The following TLX1 variants were observed in gnomAD, a reference collection of about 807,000 sequenced individuals.
The protein encoded by TLX1 is T-cell leukemia homeobox protein 1.
TLX1 carries 6 observed loss-of-function variants against 26.5 expected under a neutral mutation model. The observed-to-expected ratio is 0.23, with a 90% CI of 0.12 to 0.45. TLX1 has a LOEUF of 0.45. Ranked by LOEUF, TLX1 falls within the 20% of genes least tolerant of loss-of-function variation. The pLI, the probability that TLX1 is intolerant of heterozygous loss-of-function variation, is 0.99. For missense variants in TLX1, 418 were observed against 482.6 expected, an observed-to-expected ratio of 0.87 and a Z score of 1.25; for synonymous variants, 217 against 219.7, an observed-to-expected ratio of 0.99 and a Z score of 0.11.
In TLX1 at chr10:101,132,252, C is replaced by T. The variant is rs555127476; in HGVS notation, c.568+143C>T. On this transcript the variant is annotated intron_variant, in intron 1 of 2. Transcript: ENST00000370196. This position sits in a 1 kb window ranked among gnomAD's most constrained non-coding sequence, Gnocchi z 4.1. ...TGCTTCCCCCAAGTTGAGCCGCCCG[C>T]CCGATTCTATAACGCAGACTCGCCA... 100 of 690,372 alleles carry T rather than the reference C, an allele frequency of 1.4e-4. No individual in the cohort carries two copies. In the African/African-American group the frequency reaches 1.7e-3, roughly 12 times the overall value. 42.8% of individuals were successfully genotyped at this position (690,372 alleles called of 1,614,324 possible). A position where few individuals can be genotyped will look rare whatever the true frequency, so the allele number is the denominator to read the frequency against.
rs746809952 is a variant in TLX1 at position 101,132,122 on chromosome 10, C to A, written c.568+13C>A. 7.4e-7 allele frequency: 1 copy of A among 1,346,528 alleles called. No homozygotes were observed. Among genetic ancestry groups the A allele is most frequent in the African/African-American group, 1.5e-5 (1 of 66,678 alleles). 83.4% of individuals were successfully genotyped at this position (1,346,528 alleles called of 1,614,324 possible). On this transcript the variant is annotated intron_variant, in intron 1 of 2. Transcript: ENST00000370196. This position sits in a 1 kb window ranked among gnomAD's most constrained non-coding sequence, Gnocchi z 4.1. Reference sequence around the variant, plus strand: ...GACAGGTTCACAGGTGAGTCCGGCCCGCGCGCTCCCCGCCTGGCCGCGGCC... The same window carrying A: ...GACAGGTTCACAGGTGAGTCCGGCCAGCGCGCTCCCCGCCTGGCCGCGGCC...
intron 2 of TLX1, among the ~76,000 whole-genome samples, chr10:101,134,892 G>T (rs1940257065): frequency 1.3e-5 from 2 of 152,216 alleles, no homozygotes; most frequent in Non-Finnish European, 2.9e-5. Context: ...CGGCCTTTGC[G>T]CAGCCGGTCC....
chr10:101,131,990 T>C lies in TLX1; in HGVS notation c.449T>C (p.Leu150Pro). The change falls in exon 1 of 3, where the codon CTG becomes CCG. Residue 150 changes from leucine to proline, a missense_variant. Coordinates refer to ENST00000370196, the MANE Select transcript of TLX1 (RefSeq NM_005521.4). ...LAGAVAHPQP[L>P]ATGLPTVPSV... ...GGAGCCGTGGCCCACCCCCAGCCCC[T>C]GGCCACCGGCTTGCCCACCGTGCCC... 6.6e-7 allele frequency: 1 copy of C among 1,522,978 alleles called. No individual in the cohort carries two copies. Among genetic ancestry groups the C allele is most frequent in the Non-Finnish European group, 8.7e-7 (1 of 1,143,144 alleles). 94.3% of individuals were successfully genotyped at this position (1,522,978 alleles called of 1,614,324 possible).
At chr10:101,136,205 A>G (rs1306907776) in intron 2 of TLX1, among the ~76,000 whole-genome samples, 1 of 152,246 alleles carries the variant, frequency 6.6e-6, no homozygotes, top group Non-Finnish European at 1.5e-5. Flanking sequence ...CCCAAGTCCT[A>G]GAAGACATTC....
In TLX1 at chr10:101,133,698, G is replaced by C. The variant is rs549294495; in HGVS notation, c.569-477G>C. Among the ~76,000 whole-genome samples, 14 of 152,342 alleles carry C rather than the reference G, an allele frequency of 9.2e-5. No individual in the cohort carries two copies. The East Asian group carries it at 2.7e-3, about 29-fold the overall frequency. On this transcript the variant is annotated intron_variant, in intron 1 of 2. Coordinates refer to ENST00000370196, the MANE Select transcript of TLX1 (RefSeq NM_005521.4). The stretch of plus-strand genomic sequence containing the variant: ...TGCCTGTGCTTGTCTGGTCCTGTTT[G>C]GGTGTATAGATCTGTGAGTTTGCCC...
intron 2 of TLX1, among the ~76,000 whole-genome samples, chr10:101,135,807 G>A (rs1564677341): frequency 6.6e-6 from 1 of 152,226 alleles, no homozygotes; most frequent in Non-Finnish European, 1.5e-5. Flanking sequence ...AACCAAGTGG[G>A]TGGGGAGGAG....
Position 101,134,331 on chromosome 10 carries a change from A to C in TLX1, c.725A>C (p.Asp242Ala), listed in dbSNP as rs1940242942. The stretch of plus-strand genomic sequence containing the variant: ...CTGGCCAAGGCGCTCAAAATGACCG[A>C]TGCGCAGGTCAAAACCTGGTTCCAG... The part of the protein sequence containing the change: ...AALAKALKMT[D>A]AQVKTWFQNR... The change falls in exon 2 of 3, where the codon GAT (aspartate) becomes GCT (alanine). Residue 242 changes from aspartate (D) to alanine (A), a missense_variant. Asp to Ala is a moderately radical substitution (Grantham distance 126, BLOSUM62 -2). This residue lies in a region of TLX1 where 18 missense variants were observed against 45.8 expected (regional missense o/e 0.39). Coordinates refer to ENST00000370196, the MANE Select transcript of TLX1 (RefSeq NM_005521.4). The C allele has an allele frequency of 6.2e-7, 1 of 1,610,420 alleles. No individual in the cohort carries two copies. Among genetic ancestry groups the C allele is most frequent in the Non-Finnish European group, 8.5e-7 (1 of 1,178,940 alleles).
intron 2 of TLX1, 76 bp downstream of exon 2, chr10:101,134,452 G>C (rs1940246734): frequency 7.2e-7 from 1 of 1,395,984 alleles, no homozygotes; most frequent in Admixed American, 2.8e-5. Flanking sequence ...GCCTCTCGTG[G>C]GGCGCACATA....
Position 101,131,467 on chromosome 10 carries a change from G to GC in TLX1, c.-71dup. 9.6e-6 allele frequency: 12 copies of GC among 1,252,228 alleles called. No individual in the cohort carries two copies. The highest frequency in any genetic ancestry group is 1.2e-5 in the Non-Finnish European group (12 of 967,548). 77.6% of individuals were successfully genotyped at this position (1,252,228 alleles called of 1,614,324 possible). ...AGCCAGGAGCCGCTGTTGCCTCCCA[G>GC]CCCCTGCTAGCTGCCCCCCGAGCCG... On this transcript the variant is annotated 5_prime_UTR_variant, in exon 1 of 3. An upstream open reading frame in the 5' UTR loses its in-frame stop. Coordinates refer to ENST00000370196, the MANE Select transcript of TLX1 (RefSeq NM_005521.4).
chr10:101,131,835 C>G lies in TLX1; in HGVS notation c.294C>G (p.Thr98=). The G allele has an allele frequency of 7.1e-7, 1 of 1,407,786 alleles. No homozygotes were observed. Among genetic ancestry groups the G allele is most frequent in the Non-Finnish European group, 9.2e-7 (1 of 1,088,864 alleles). The allele number at this position is 1,407,786 out of a possible 1,614,324, so 87.2% of individuals were successfully genotyped here. A position where few individuals can be genotyped will look rare whatever the true frequency, so the allele number is the denominator to read the frequency against. Residue 98 remains threonine, a synonymous_variant, in exon 1 of 3, where the codon ACC becomes ACG. Coordinates refer to ENST00000370196, the MANE Select transcript of TLX1 (RefSeq NM_005521.4). ...GCGCCTGCAGCATGGGTCCTCTGACCGGCTCCTACAACGTGAACATGGCCT... is the reference window on the plus strand; with the variant it reads ...GCGCCTGCAGCATGGGTCCTCTGACGGGCTCCTACAACGTGAACATGGCCT... The part of the protein sequence containing the change: ...GGGACSMGPL[T]GSYNVNMALA...
chr10:101,136,718 C>A lies in TLX1; in HGVS notation c.798C>A (p.Ala266=). 6.2e-7 allele frequency: 1 copy of A among 1,612,896 alleles called. No homozygotes were observed. Among genetic ancestry groups the A allele is most frequent in the Non-Finnish European group, 8.5e-7 (1 of 1,179,990 alleles). The part of the protein sequence containing the change: ...WRRQTAEERE[A]ERQQANRILL... ...GGCAGACTGCGGAGGAACGGGAGGC[C>A]GAGAGGCAGCAAGCGAACCGCATCC... The change falls in exon 3 of 3, where the codon GCC becomes GCA. Residue 266 remains alanine (A), a synonymous_variant. Coordinates refer to ENST00000370196, the MANE Select transcript of TLX1 (RefSeq NM_005521.4).
At position 101,131,714 on chromosome 10, in the gene TLX1, G is replaced by GC. The variant is rs771871097; in HGVS notation, c.174dup (p.Gly59ArgfsTer122). 1 of 1,473,306 alleles carries GC rather than the reference G, an allele frequency of 6.8e-7. No homozygotes were observed. The highest frequency in any genetic ancestry group is 8.9e-7 in the Non-Finnish European group (1 of 1,118,690). The allele number at this position is 1,473,306 out of a possible 1,614,324, so 91.3% of individuals were successfully genotyped here. ...TTGGTCGGAGGCGCCTACACTTACG[G>GC]CGGCGGGGGCTCCGCGGCCGCGACG... On this transcript the variant is annotated frameshift_variant, in exon 1 of 3. Transcript: ENST00000370196. LOFTEE classifies it high-confidence loss of function.
At chr10:101,136,170 A>G (rs1337411709) in intron 2 of TLX1, among the ~76,000 whole-genome samples, 1 of 152,246 alleles carries the variant, frequency 6.6e-6, no homozygotes, top group Non-Finnish European at 1.5e-5. Context: ...GAGCCCCGGT[A>G]GGGCACAGGG....
Position 101,131,911 on chromosome 10 carries a change from G to A in TLX1, c.370G>A (p.Gly124Arg), listed in dbSNP as rs1262570832. 4.3e-6 allele frequency: 6 copies of A among 1,398,578 alleles called. No homozygotes were observed. Among genetic ancestry groups the A allele is most frequent in the Non-Finnish European group, 5.5e-6 (6 of 1,084,594 alleles). The allele number at this position is 1,398,578 out of a possible 1,614,324, so 86.6% of individuals were successfully genotyped here. ...CGGCGGCGGCAGCAGCGGCGGTGCC[G>A]GGGCACTCAGCGCTGCGGGGGTAAT... Reference protein sequence around the residue: ...GGGGGSSGGAGALSAAGVIRV... With the variant: ...GGGGGSSGGARALSAAGVIRV... Residue 124 changes from glycine to arginine, a missense_variant, in exon 1 of 3, where the codon GGG (glycine) becomes AGG (arginine). Physicochemically the swap from Gly to Arg is moderately radical, Grantham distance 125. Around this residue, in one of 3 missense-constraint regions of TLX1, gnomAD observed 322 missense variants for 344.6 expected, o/e 0.93. Transcript: ENST00000370196.
rs1940316208 is a variant in TLX1, at chr10:101,137,214, G to A, written c.*301G>A. 2.4e-6 allele frequency: 1 copy of A among 419,448 alleles called. No individual in the cohort carries two copies. 26.0% of individuals were successfully genotyped at this position (419,448 alleles called of 1,614,324 possible). Reference sequence around the variant, plus strand: ...TTTTTAACGTGGGATTCAGAGAAAGGCAAGGGAGGTAAGGGAGGAGGAGCT... The same window carrying A: ...TTTTTAACGTGGGATTCAGAGAAAGACAAGGGAGGTAAGGGAGGAGGAGCT... On this transcript the variant is annotated 3_prime_UTR_variant, in exon 3 of 3. Coordinates refer to ENST00000370196, the MANE Select transcript of TLX1 (RefSeq NM_005521.4).
rs1940204387 is a variant in TLX1, at chr10:101,132,626, C to G, written c.568+517C>G. Among the ~76,000 whole-genome samples the G allele has an allele frequency of 6.6e-6, 1 of 151,594 alleles. No homozygotes were observed. The highest frequency in any genetic ancestry group is 1.5e-5 in the Non-Finnish European group (1 of 67,938). ...TGGTGCTGCGGGGCCAGTGGGGGCT[C>G]TGAGCCCCGGTAAATCAGCAGAACC... On this transcript the variant is annotated intron_variant, in intron 1 of 2. Coordinates refer to ENST00000370196, the MANE Select transcript of TLX1 (RefSeq NM_005521.4). This position sits in a 1 kb window ranked among gnomAD's most constrained non-coding sequence, Gnocchi z 4.1.
At chr10:101,136,594 G>T in intron 2 of TLX1, 97 bp from the exon 3 acceptor site, 3 of 1,603,614 alleles carry the variant, frequency 1.9e-6, no homozygotes, top group Middle Eastern at 3.6e-4. Flanking sequence ...GGCGAGCAGC[G>T]CTCGTTCAGT....
At position 101,136,902 on chromosome 10, in the gene TLX1, G is replaced by T. The variant is rs200084897; in HGVS notation, c.982G>T (p.Ala328Ser). The T allele has an allele frequency of 6.2e-7, 1 of 1,613,536 alleles. No homozygotes were observed. Among genetic ancestry groups the T allele is most frequent in the East Asian group, 2.2e-5 (1 of 44,872 alleles). Residue 328 changes from alanine to serine, a missense_variant, in exon 3 of 3, where the codon GCC becomes TCC. Ala to Ser is a moderately conservative substitution (Grantham distance 99). Coordinates refer to ENST00000370196, the MANE Select transcript of TLX1 (RefSeq NM_005521.4). ...CACTAGCGTCACGTCGGTGGCGTCGGCCTGCGAGTGAGCCTGCCCATTCTG... is the reference window on the plus strand; with the variant it reads ...CACTAGCGTCACGTCGGTGGCGTCGTCCTGCGAGTGAGCCTGCCCATTCTG... Reference protein sequence around the residue: ...KITSVTSVASACE With the variant: ...KITSVTSVASSCE
chr10:101,134,090 C>G (rs766898947), intron 1 of TLX1, 85 bp from the exon 2 acceptor site: 8 of 1,361,858 alleles, frequency 5.9e-6, no homozygotes, highest in Non-Finnish European at 8.0e-6. Context: ...TGGGACGCTT[C>G]CTGACGCTCT....
Sources: allele counts gnomAD v4.1 joint callset (sites outside exome capture counted in the v4.1 genomes callset), GRCh38; gene constraint gnomAD v4.1.1; regional missense constraint gnomAD v4.1.1; non-coding constraint Gnocchi (gnomAD v3.1); transcripts MANE v1.5; gene names NCBI Gene and HGNC (gene_info 2026-07-23, HGNC 2026-07-21).